PLPP1: variants seen among roughly 807,000 people sequenced by gnomAD.
PLPP1 encodes the protein phospholipid phosphatase 1.
Under a neutral mutation model 31.2 loss-of-function variants are expected in PLPP1, and 24 were observed. That is an observed-to-expected ratio of 0.77 (90% CI 0.56 to 1.08). The LOEUF is 1.08. Ranked by LOEUF, PLPP1 falls within the 50% of genes least tolerant of loss-of-function variation. PLPP1 has a pLI of 0.00. For synonymous variants in PLPP1, 146 were observed against 126.3 expected, an observed-to-expected ratio of 1.16 and a Z score of -1.05; for missense variants, 319 against 342.7, an observed-to-expected ratio of 0.93 and a Z score of 0.55.
At chr5:55,481,225 T>A (rs1752662015) in intron 1 of PLPP1, among the ~76,000 whole-genome samples, 2 of 152,222 alleles carry the variant, frequency 1.3e-5, no homozygotes. Flanking sequence ...GAAATATTGG[T>A]GCTGGGGTAT....
chr5:55,470,097 A>G (rs1216000875), intron 2 of PLPP1, among the ~76,000 whole-genome samples: 2 of 152,210 alleles, frequency 1.3e-5, no homozygotes, highest in Non-Finnish European at 2.9e-5. Context: ...ATGTACTTCC[A>G]AGAATGTCAT....
intron 3 of PLPP1, among the ~76,000 whole-genome samples, chr5:55,456,154 T>C (rs1297030715): frequency 6.6e-6 from 1 of 152,194 alleles, no homozygotes; most frequent in African/African-American, 2.4e-5. Context: ...TTATGAACTC[T>C]AGATATTAAA....
chr5:55,462,718 A>G (rs758086176), intron 3 of PLPP1, among the ~76,000 whole-genome samples: 28 of 152,186 alleles, frequency 1.8e-4, no homozygotes, highest in Non-Finnish European at 3.7e-4. Context: ...TCACACCTAT[A>G]ATCCCAGCAC....
chr5:55,441,927 A>T lies in PLPP1; in HGVS notation c.492-19T>A. 1 of 1,609,790 alleles carries T rather than the reference A, an allele frequency of 6.2e-7. No individual in the cohort carries two copies. The stretch of plus-strand genomic sequence containing the variant: ...GGACAACCTGGAAGAAAAAGAAGAC[A>T]AATGTTACTTTTCTCTCTTAGGAGC... On this transcript the variant is annotated intron_variant, in intron 3 of 5. Transcript: ENST00000307259.
chr5:55,475,257 G>A, intron 2 of PLPP1, 42 bp downstream of exon 2: 1 of 1,538,586 alleles, frequency 6.5e-7, no homozygotes, highest in Non-Finnish European at 8.8e-7. Context: ...ATTAAGCCAA[G>A]TGCCCAAAAG....
intron 1 of PLPP1, among the ~76,000 whole-genome samples, chr5:55,526,187 C>T (rs1010111631): frequency 6.6e-6 from 1 of 151,962 alleles, no homozygotes; most frequent in African/African-American, 2.4e-5. Context: ...TTTGGTAGAG[C>T]TCAGCCAAAA....
chr5:55,473,831 T>C (rs74681730), intron 2 of PLPP1, among the ~76,000 whole-genome samples: 1 of 151,760 alleles, frequency 6.6e-6, no homozygotes, highest in African/African-American at 2.4e-5. Context: ...GCCTTTTTTT[T>C]TGCGAGGAGG....
At chr5:55,519,562 C>T (rs981936084) in intron 1 of PLPP1, among the ~76,000 whole-genome samples, 9 of 151,778 alleles carry the variant, frequency 5.9e-5, no homozygotes, top group Non-Finnish European at 1.0e-4. Context: ...CACCCTGGCC[C>T]ACATGGTGAA....
chr5:55,487,573 A>G (rs902846167), intron 1 of PLPP1, among the ~76,000 whole-genome samples: 1 of 152,130 alleles, frequency 6.6e-6, no homozygotes, highest in Non-Finnish European at 1.5e-5. Flanking sequence ...TGTAAAAATA[A>G]ATCACTGCTT....
At position 55,426,024 on chromosome 5, in the gene PLPP1, T is replaced by C. The variant is rs1306066944; in HGVS notation, c.565A>G (p.Arg189Gly). The change falls in exon 5 of 6, where the codon AGG becomes GGG. Residue 189 changes from arginine to glycine, a missense_variant. By Grantham distance (125) the Arg-to-Gly change is moderately radical (BLOSUM62 -2). Coordinates refer to ENST00000307259, the MANE Select transcript of PLPP1 (RefSeq NM_003711.4). Reference sequence around the variant, plus strand: ...AGTCTTGCCCAGTCTCCCTTCATCCTGGCTTGAAGATAAAGCTAAAAGAAA... The same window carrying C: ...AGTCTTGCCCAGTCTCCCTTCATCCCGGCTTGAAGATAAAGCTAAAAGAAA... ...MLFVALYLQA[R>G]MKGDWARLLR... The C allele has an allele frequency of 4.4e-6, 7 of 1,591,206 alleles. No homozygotes were observed. The highest frequency in any genetic ancestry group is 5.1e-6 in the Non-Finnish European group (6 of 1,173,862).
chr5:55,491,928 T>C (rs141686751), intron 1 of PLPP1, among the ~76,000 whole-genome samples: 1 of 144,522 alleles, frequency 6.9e-6, no homozygotes, highest in African/African-American at 2.5e-5. Flanking sequence ...ACCACAAGTA[T>C]ATATTCAGTA....
chr5:55,515,304 C>T (rs1245627324), intron 1 of PLPP1, among the ~76,000 whole-genome samples: 2 of 152,160 alleles, frequency 1.3e-5, no homozygotes, highest in African/African-American at 4.8e-5. Context: ...ATAGGAAACA[C>T]AAAAAACTAT....
rs536164008 is a variant in PLPP1 at position 55,505,202 on chromosome 5, A to C, written c.58+29370T>G. ...TTCTTATCATCCCCCTATATTTTCTATACTTCATCTACTCAATTGGCTATC... is the reference window on the plus strand; with the variant it reads ...TTCTTATCATCCCCCTATATTTTCTCTACTTCATCTACTCAATTGGCTATC... On this transcript the variant is annotated intron_variant, in intron 1 of 5. Transcript: ENST00000307259. Among the ~76,000 whole-genome samples the C allele has an allele frequency of 3.3e-5, 5 of 152,188 alleles. No homozygotes were observed. In the South Asian group the frequency reaches 1.0e-3, roughly 32 times the overall value.
intron 1 of PLPP1, 151 bp downstream of exon 1, chr5:55,534,421 G>T (rs535502592): frequency 1.3e-6 from 1 of 790,482 alleles, no homozygotes; most frequent in South Asian, 2.2e-5. Flanking sequence ...GCTGCAAAGC[G>T]GGGTCCCTCG....
In PLPP1 at chr5:55,447,706, T is replaced by A. The variant is rs567188725; in HGVS notation, c.492-5798A>T. On this transcript the variant is annotated intron_variant, in intron 3 of 5. Transcript: ENST00000307259. ...GCCATCTCCAGGCAGGGGAGTTCCA[T>A]CACAAAGTACAGTTTACATGTGGCA... 3.0e-3 allele frequency among the ~76,000 whole-genome samples: 451 copies of A among 152,324 alleles called. 2 individuals carry two copies. The highest frequency in any genetic ancestry group is 6.8e-3 in the Middle Eastern group (2 of 294).
At chr5:55,454,932 C>T (rs938791572) in intron 3 of PLPP1, among the ~76,000 whole-genome samples, 2 of 152,128 alleles carry the variant, frequency 1.3e-5, no homozygotes, top group African/African-American at 4.8e-5. Flanking sequence ...GTACTAGGTA[C>T]GTAAGTACCA....
intron 2 of PLPP1, among the ~76,000 whole-genome samples, chr5:55,474,169 G>A (rs1171376104): frequency 2.6e-5 from 4 of 151,690 alleles, no homozygotes; most frequent in African/African-American, 9.7e-5. Context: ...GCTAATTTTT[G>A]TATTTTTAGT....
chr5:55,522,326 G>A (rs939579708), intron 1 of PLPP1, among the ~76,000 whole-genome samples: 2 of 152,216 alleles, frequency 1.3e-5, no homozygotes, highest in African/African-American at 4.8e-5. Flanking sequence ...CCTCCAGTAT[G>A]ATATAACCTC....
intron 1 of PLPP1, among the ~76,000 whole-genome samples, chr5:55,482,984 G>A (rs1316634917): frequency 1.3e-5 from 2 of 152,006 alleles, no homozygotes; most frequent in Non-Finnish European, 2.9e-5. Context: ...CATATATATA[G>A]TAAATAATCT....
Sources: gnomAD v4.1 joint callset for allele counts (sites outside exome capture counted in the v4.1 genomes callset) on GRCh38, gnomAD v4.1.1 for gene constraint, MANE v1.5 for transcripts, NCBI Gene and HGNC (gene_info 2026-07-23, HGNC 2026-07-21) for gene names.